GRID2: variants seen among roughly 807,000 people sequenced by gnomAD.
GRID2 encodes glutamate receptor ionotropic, delta-2.
A neutral mutation model predicts 114.8 loss-of-function variants in GRID2; 33 were observed. That is an observed-to-expected ratio of 0.29 (90% confidence interval 0.22 to 0.38). GRID2 has a LOEUF of 0.38. GRID2 is among the 10% of genes least tolerant of loss of function. The pLI is 1.00. For synonymous variants in GRID2, 505 were observed against 449.9 expected, an observed-to-expected ratio of 1.12 and a Z score of -1.55; for missense variants, 1,184 against 1,257.7, an observed-to-expected ratio of 0.94 and a Z score of 0.89.
At position 93,671,814 on chromosome 4, in the gene GRID2, C is replaced by CA. The variant is rs1285020447; in HGVS notation, c.2360+45390dup. ...TGAAACCCTGTCTCTACCAAAAATA[C>CA]AAAAAAAAAAATTTTGCCAGGCATG... On this transcript the variant is annotated intron_variant, in intron 14 of 15. Coordinates refer to ENST00000282020, the MANE Select transcript of GRID2 (RefSeq NM_001510.4). Among the ~76,000 whole-genome samples, 654 of 145,062 alleles carry CA rather than the reference C, an allele frequency of 4.5e-3. 9 individuals carry two copies. Among genetic ancestry groups the CA allele is most frequent in the African/African-American group, 0.014 (576 of 39,778 alleles).
rs796846568 is a variant in GRID2, at chr4:92,886,058, T to C, written c.245-198937T>C. On this transcript the variant is annotated intron_variant, in intron 2 of 15. Transcript: ENST00000282020. Reference sequence around the variant, plus strand: ...TAAATTTTGGTTTATTTTTAATAAATGTGGACTTGCAATTGCAATTACAAC... The same window carrying C: ...TAAATTTTGGTTTATTTTTAATAAACGTGGACTTGCAATTGCAATTACAAC... Among the ~76,000 whole-genome samples, 14 of 152,276 alleles carry C rather than the reference T, an allele frequency of 9.2e-5. 1 individual carries two copies. Among genetic ancestry groups the C allele is most frequent in the African/African-American group, 3.4e-4 (14 of 41,572 alleles).
chr4:92,896,681 T>G (rs1362602494), intron 2 of GRID2, among the ~76,000 whole-genome samples: 3 of 152,148 alleles, frequency 2.0e-5, no homozygotes, highest in South Asian at 4.1e-4. Context: ...AACAGAAGTT[T>G]AAAAGCAGAT....
At chr4:93,770,291 A>G (rs1224251908) in intron 15 of GRID2, among the ~76,000 whole-genome samples, 1 of 152,248 alleles carries the variant, frequency 6.6e-6, no homozygotes, top group Non-Finnish European at 1.5e-5. Flanking sequence ...AATTTGCTAA[A>G]CAATTTTATG....
chr4:93,255,429 C>CGTTTTTGTTTT (rs1561050054), intron 8 of GRID2, among the ~76,000 whole-genome samples: 1 of 151,970 alleles, frequency 6.6e-6, no homozygotes, highest in Non-Finnish European at 1.5e-5. Context: ...AAGGAGAAAA[C>CGTTTTTGTTTT]GTTTTTGTTT....
chr4:93,234,462 G>A (rs1746524380), intron 7 of GRID2, among the ~76,000 whole-genome samples: 1 of 152,192 alleles, frequency 6.6e-6, no homozygotes, highest in South Asian at 2.1e-4. Context: ...GAGACAGCAT[G>A]ATCACAATGC....
At chr4:93,567,382 G>A (rs978554273) in intron 13 of GRID2, among the ~76,000 whole-genome samples, 2 of 152,212 alleles carry the variant, frequency 1.3e-5, no homozygotes, top group Middle Eastern at 6.8e-3. Context: ...AGTAACACTC[G>A]TACAAATCAA....
rs1171801509 is a variant in GRID2, at chr4:92,585,397, A to G, written c.89-4734A>G. On this transcript the variant is annotated intron_variant, in intron 1 of 15. Coordinates refer to ENST00000282020, the MANE Select transcript of GRID2 (RefSeq NM_001510.4). ...TGAGTAAAGAGATTAAAAAGTTTGA[A>G]CTTTCTGACTAAAAAATAAAGATCA... Among the ~76,000 whole-genome samples the G allele has an allele frequency of 2.0e-5, 3 of 152,126 alleles. No individual in the cohort carries two copies. In the East Asian group the frequency reaches 5.8e-4, roughly 29 times the overall value.
At chr4:92,365,747 T>C (rs1477137444) in intron 1 of GRID2, among the ~76,000 whole-genome samples, 1 of 152,054 alleles carries the variant, frequency 6.6e-6, no homozygotes. Context: ...CTGTATTCCA[T>C]AATGTAATAC....
chr4:92,452,225 A>G (rs992149784), intron 1 of GRID2, among the ~76,000 whole-genome samples: 3 of 152,170 alleles, frequency 2.0e-5, no homozygotes, highest in African/African-American at 7.2e-5. Context: ...AATGTTCTTT[A>G]TAGTATATAT....
At chr4:93,482,833 A>G (rs903210162) in intron 11 of GRID2, among the ~76,000 whole-genome samples, 12 of 151,988 alleles carry the variant, frequency 7.9e-5, no homozygotes, top group Non-Finnish European at 1.5e-4. Context: ...TAGACATGTC[A>G]TGTTGTAGAA....
At chr4:92,828,318 G>T (rs1741873919) in intron 2 of GRID2, among the ~76,000 whole-genome samples, 2 of 152,044 alleles carry the variant, frequency 1.3e-5, no homozygotes, top group South Asian at 4.1e-4. Flanking sequence ...GAATAGATTT[G>T]CACTTGATAG....
At chr4:93,259,199 G>C (rs764188947) in intron 8 of GRID2, among the ~76,000 whole-genome samples, 1 of 151,762 alleles carries the variant, frequency 6.6e-6, no homozygotes, top group African/African-American at 2.4e-5. Context: ...GAGACAAGTT[G>C]GTTGGCCTTA....
chr4:93,789,251 C>T (rs1734649743), intron 1 of GRID2, among the ~76,000 whole-genome samples: 1 of 152,152 alleles, frequency 6.6e-6, no homozygotes, highest in Non-Finnish European at 1.5e-5. Flanking sequence ...ATTTGAATTG[C>T]ACCTAAATTA....
At chr4:93,304,345 A>T (rs948115195) in intron 8 of GRID2, among the ~76,000 whole-genome samples, 1 of 151,180 alleles carries the variant, frequency 6.6e-6, no homozygotes, top group Non-Finnish European at 1.5e-5. Context: ...AATTGTAGAA[A>T]AAGAATGCAG....
At chr4:92,554,588 G>A (rs537061813) in intron 1 of GRID2, among the ~76,000 whole-genome samples, 6 of 152,180 alleles carry the variant, frequency 3.9e-5, no homozygotes, top group East Asian at 3.9e-4. Flanking sequence ...GTAATGTCAA[G>A]CTGTTTACAG....
chr4:93,628,942 T>G (rs1742989055), intron 14 of GRID2, among the ~76,000 whole-genome samples: 2 of 152,104 alleles, frequency 1.3e-5, no homozygotes, highest in African/African-American at 4.8e-5. Flanking sequence ...ATTTTTTGTA[T>G]TTTTAGTAGA....
At chr4:93,120,544 A>C (rs1401654347) in intron 4 of GRID2, among the ~76,000 whole-genome samples, 1 of 152,192 alleles carries the variant, frequency 6.6e-6, no homozygotes, top group Non-Finnish European at 1.5e-5. Context: ...GAGTTGAATA[A>C]TGAGCACACA....
In GRID2 at chr4:93,122,844, C is replaced by A. The variant is rs574062964; in HGVS notation, c.735+11891C>A. 5.6e-4 allele frequency among the ~76,000 whole-genome samples: 75 copies of A among 133,254 alleles called. 1 individual carries two copies. Among genetic ancestry groups the A allele is most frequent in the African/African-American group, 2.0e-3 (70 of 35,094 alleles). The allele number at this position is 133,254 out of a possible 152,430, so 87.4% of individuals were successfully genotyped here. On this transcript the variant is annotated intron_variant, in intron 4 of 15. Transcript: ENST00000282020. ...TGAGTTTTAACTTTAGCTTTATAAG[C>A]TTGTATTGAAAGGCAGCTCTGTTAC... is the stretch of plus-strand genomic sequence containing the variant.
intron 2 of GRID2, among the ~76,000 whole-genome samples, chr4:93,072,400 T>C (rs892530519): frequency 2.0e-5 from 3 of 152,124 alleles, no homozygotes; most frequent in Non-Finnish European, 4.4e-5. Flanking sequence ...CTGTATTTAT[T>C]TGGAATAGCA....
Sources: gnomAD v4.1 joint callset for allele counts (sites outside exome capture counted in the v4.1 genomes callset) on GRCh38, gnomAD v4.1.1 for gene constraint, MANE v1.5 for transcripts, NCBI Gene and HGNC (gene_info 2026-07-23, HGNC 2026-07-21) for gene names.